Variants in WAPL observed in about 807,000 individuals in gnomAD.
The protein encoded by WAPL is wings apart-like protein homolog.
Under a neutral mutation model 121.0 loss-of-function variants are expected in WAPL, and 5 were observed. The ratio of observed to expected loss-of-function variants is 0.04; its 90% CI spans 0.02 to 0.09. The LOEUF (loss-of-function observed/expected upper bound fraction) is 0.09. Among genes scored for constraint, WAPL ranks in the 10% least tolerant of loss-of-function variants. WAPL has a pLI of 1.00. For missense variants in WAPL, 999 were observed against 1,410.8 expected, an observed-to-expected ratio of 0.71 and a Z score of 4.68; for synonymous variants, 480 against 481.5, an observed-to-expected ratio of 1.00 and a Z score of 0.04.
intron 4 of WAPL, among the ~76,000 whole-genome samples, chr10:86,475,108 CA>C (rs1564573724): frequency 1.3e-5 from 2 of 152,140 alleles, no homozygotes; most frequent in Non-Finnish European, 1.5e-5. Context: ...CTTAAACTTC[CA>C]GGGGATTTTC....
chr10:86,437,426 C>T lies in WAPL; in HGVS notation c.*117G>A, dbSNP rs1849350962. 2.8e-6 allele frequency: 3 copies of T among 1,076,532 alleles called. No homozygotes were observed. The highest frequency in any genetic ancestry group is 3.0e-5 in the Admixed American group (1 of 33,192). The allele number at this position is 1,076,532 out of a possible 1,614,324, so 66.7% of individuals were successfully genotyped here. ...TCAGGTGGCCTTAAAAATCCAAACA[C>T]GAATGATACTGATGAATGTTCTTGG... On this transcript the variant is annotated 3_prime_UTR_variant, in exon 19 of 19. Coordinates refer to ENST00000298767, the MANE Select transcript of WAPL (RefSeq NM_015045.5).
intron 15 of WAPL, among the ~76,000 whole-genome samples, chr10:86,451,066 T>C (rs12269564): frequency 0.021 from 3,114 of 151,848 alleles, 123 homozygotes; most frequent in African/African-American, 0.071. Context: ...AAATAAATAC[T>C]AGAGGACACG....
Position 86,437,619 on chromosome 10 carries a change from G to A in WAPL, c.3508-11C>T. On this transcript the variant is annotated splice_polypyrimidine_tract_variant and intron_variant, in intron 18 of 18. Transcript: ENST00000298767. ...TGTTCCAACAGCACACTGAAAGCAGGGTGAAGGGGAAAGGAAGTAACAGTT... is the reference window on the plus strand; with the variant it reads ...TGTTCCAACAGCACACTGAAAGCAGAGTGAAGGGGAAAGGAAGTAACAGTT... 6.2e-7 allele frequency: 1 copy of A among 1,613,238 alleles called. No individual in the cohort carries two copies. Among genetic ancestry groups the A allele is most frequent in the Non-Finnish European group, 8.5e-7 (1 of 1,179,704 alleles).
intron 2 of WAPL, among the ~76,000 whole-genome samples, chr10:86,510,844 G>T (rs1349210065): frequency 6.6e-6 from 1 of 151,822 alleles, no homozygotes; most frequent in African/African-American, 2.4e-5. Context: ...TTCTTGTTTT[G>T]TTTTGTTTTT....
rs370208003 is a variant in WAPL, at chr10:86,489,167, C to T, written c.1644+8034G>A. On this transcript the variant is annotated intron_variant, in intron 4 of 18. Transcript: ENST00000298767. ...CAAAGATGTAAAAACCATGAAAAGA[C>T]CAGGAAACACAGATCCCATGGCACA... Among the ~76,000 whole-genome samples the T allele has an allele frequency of 3.9e-5, 6 of 152,248 alleles. No individual in the cohort carries two copies. The East Asian group carries it at 9.7e-4, about 25-fold the overall frequency.
intron 17 of WAPL, among the ~76,000 whole-genome samples, chr10:86,441,497 G>C (rs970353842): frequency 6.6e-5 from 10 of 151,896 alleles, no homozygotes; most frequent in African/African-American, 2.4e-4. Flanking sequence ...AGGGGTGAGA[G>C]TGGCATGGGG....
At chr10:86,521,031 C>A (rs1473154231) in intron 1 of WAPL, among the ~76,000 whole-genome samples, 1 of 152,018 alleles carries the variant, frequency 6.6e-6, no homozygotes, top group Non-Finnish European at 1.5e-5. Context: ...TCACTTTCGA[C>A]GCCCCGGAAG....
intron 2 of WAPL, among the ~76,000 whole-genome samples, chr10:86,505,297 A>G (rs1356858816): frequency 1.4e-5 from 1 of 71,356 alleles, no homozygotes; most frequent in East Asian, 3.3e-4. Context: ...ACAGTGCCCA[A>G]CTCTTTTTTT....
chr10:86,520,930 G>A (rs1842663191), intron 1 of WAPL, among the ~76,000 whole-genome samples: 1 of 152,106 alleles, frequency 6.6e-6, no homozygotes, highest in Non-Finnish European at 1.5e-5. Flanking sequence ...GACAGCCGGG[G>A]CGCCACGGGC....
chr10:86,484,670 A>G (rs1213069954), intron 4 of WAPL, among the ~76,000 whole-genome samples: 1 of 152,192 alleles, frequency 6.6e-6, no homozygotes, highest in African/African-American at 2.4e-5. Context: ...CAATCCTGCA[A>G]GCTCCATTCA....
intron 4 of WAPL, among the ~76,000 whole-genome samples, chr10:86,492,788 G>A (rs1842075747): frequency 6.6e-6 from 1 of 152,128 alleles, no homozygotes; most frequent in Non-Finnish European, 1.5e-5. Context: ...CGGGCGCGGT[G>A]GCTCACACCT....
chr10:86,447,609 T>G (rs1849656007), intron 15 of WAPL, among the ~76,000 whole-genome samples: 1 of 152,144 alleles, frequency 6.6e-6, no homozygotes, highest in Non-Finnish European at 1.5e-5. Context: ...AAAAAAAGTT[T>G]TAGGGGGAAG....
At chr10:86,511,700 G>A (rs895485783) in intron 2 of WAPL, among the ~76,000 whole-genome samples, 3 of 152,206 alleles carry the variant, frequency 2.0e-5, no homozygotes, top group African/African-American at 4.8e-5. Flanking sequence ...TCGGGAGGTG[G>A]AGGCAGGAGG....
rs756287432 is a variant in WAPL at position 86,452,048 on chromosome 10, A to G, written c.3033T>C (p.Phe1011=). The G allele has an allele frequency of 6.2e-7, 1 of 1,614,078 alleles. No homozygotes were observed. The highest frequency in any genetic ancestry group is 1.1e-5 in the South Asian group (1 of 91,082). Residue 1011 remains phenylalanine, a synonymous_variant, in exon 15 of 19, where the codon TTT becomes TTC. Coordinates refer to ENST00000298767, the MANE Select transcript of WAPL (RefSeq NM_015045.5). The part of the protein sequence containing the change: ...CLVNMETSCS[F]DSSICSGEGD... ...CTTCTCCACTACAGATGGAAGAATC[A>G]AAAGAGCACGATGTTTCCATGTTGA... is the stretch of plus-strand genomic sequence containing the variant.
At chr10:86,470,544 A>G (rs966675072) in intron 8 of WAPL, among the ~76,000 whole-genome samples, 3 of 152,224 alleles carry the variant, frequency 2.0e-5, no homozygotes, top group Non-Finnish European at 4.4e-5. Context: ...GAAAATGAAG[A>G]AATTATTCCT....
intron 15 of WAPL, among the ~76,000 whole-genome samples, chr10:86,447,335 C>A (rs1467486568): frequency 2.0e-5 from 3 of 152,216 alleles, no homozygotes; most frequent in African/African-American, 4.8e-5. Flanking sequence ...GAATGATGGA[C>A]TCCTACTTAT....
At chr10:86,459,107 TTTCA>T (rs769892902) in intron 11 of WAPL, 42 bp from the exon 12 acceptor site, 28 of 1,508,028 alleles carry the variant, frequency 1.9e-5, no homozygotes, top group Non-Finnish European at 2.3e-5. Flanking sequence ...AATCCAAAAC[TTTCA>T]TTCATTCATG....
At chr10:86,458,914 C>A in intron 12 of WAPL, 75 bp downstream of exon 12, 2 of 1,254,376 alleles carry the variant, frequency 1.6e-6, no homozygotes, top group Non-Finnish European at 2.2e-6. Context: ...ATCCAAATTT[C>A]TTTCATTTAT....
chr10:86,463,023 T>C (rs926148165), intron 9 of WAPL, among the ~76,000 whole-genome samples: 4 of 152,390 alleles, frequency 2.6e-5, no homozygotes, highest in East Asian at 1.9e-4. Context: ...TTTTAGGCTA[T>C]AGTCAGTATA....
Sources: allele counts gnomAD v4.1 joint callset (sites outside exome capture counted in the v4.1 genomes callset), GRCh38; gene constraint gnomAD v4.1.1; transcripts MANE v1.5; gene names NCBI Gene and HGNC (gene_info 2026-07-23, HGNC 2026-07-21).